Variants in NELL1 observed in about 807,000 individuals in gnomAD.
NELL1 encodes the protein protein kinase C-binding protein NELL1.
A neutral mutation model predicts 107.4 loss-of-function variants in NELL1; 76 were observed. The ratio of observed to expected loss-of-function variants is 0.71; its 90% CI spans 0.59 to 0.86. The LOEUF is 0.86. NELL1 is among the 40% of genes least tolerant of loss of function. The probability of loss-of-function intolerance (pLI) is 0.00; values close to 1 mark genes in which losing one functional copy is unlikely to be tolerated. For synonymous variants in NELL1, 353 were observed against 341.2 expected (o/e 1.03, Z -0.38); for missense variants, 1,024 against 1,005.5 (o/e 1.02, Z -0.25).
chr11:21,225,692 A>G lies in NELL1; in HGVS notation c.1427-3640A>G, dbSNP rs548369543. Among the ~76,000 whole-genome samples the G allele has an allele frequency of 2.6e-5, 4 of 152,248 alleles. No homozygotes were observed. The East Asian group carries it at 7.7e-4, about 29-fold the overall frequency. ...TCAATTCAGTTGTAACCACCATCCT[A>G]TGATTAAGTCTGCCCACAAGTAATT... On this transcript the variant is annotated intron_variant, in intron 13 of 19. Coordinates refer to ENST00000357134, the MANE Select transcript of NELL1 (RefSeq NM_006157.5).
In NELL1 at chr11:20,738,830, G is replaced by A. The variant is rs141615795; in HGVS notation, c.185-44850G>A. Among the ~76,000 whole-genome samples, 6 of 152,296 alleles carry A rather than the reference G, an allele frequency of 3.9e-5. No individual in the cohort carries two copies. In the East Asian group the frequency reaches 1.2e-3, roughly 29 times the overall value. On this transcript the variant is annotated intron_variant, in intron 2 of 19. Coordinates refer to ENST00000357134, the MANE Select transcript of NELL1 (RefSeq NM_006157.5). Reference sequence around the variant, plus strand: ...CCTATTTCTTTATTCCTCAGAGATGGCAGTGTACTTGGTCTTTAACCCCAG... The same window carrying A: ...CCTATTTCTTTATTCCTCAGAGATGACAGTGTACTTGGTCTTTAACCCCAG...
chr11:21,516,399 G>T (rs1855563173), intron 15 of NELL1, among the ~76,000 whole-genome samples: 1 of 152,124 alleles, frequency 6.6e-6, no homozygotes, highest in Non-Finnish European at 1.5e-5. Flanking sequence ...TCTTGTGTGT[G>T]TGTGTATGTG....
At chr11:21,470,113 C>T (rs1267304547) in intron 15 of NELL1, among the ~76,000 whole-genome samples, 1 of 151,934 alleles carries the variant, frequency 6.6e-6, no homozygotes. Flanking sequence ...TAATTCTTAC[C>T]ACTACCTTAC....
intron 10 of NELL1, among the ~76,000 whole-genome samples, chr11:20,946,575 T>C (rs1850966352): frequency 6.6e-6 from 1 of 152,170 alleles, no homozygotes; most frequent in Admixed American, 6.5e-5. Flanking sequence ...TGATCCTCTT[T>C]CAGTTCATTC....
At chr11:21,554,723 T>C (rs1339645067) in intron 16 of NELL1, among the ~76,000 whole-genome samples, 1 of 151,834 alleles carries the variant, frequency 6.6e-6, no homozygotes, top group Non-Finnish European at 1.5e-5. Context: ...TATATTTTTA[T>C]CTACATTTTT....
Position 21,370,954 on chromosome 11 carries a change from C to A in NELL1, c.1645+6C>A, listed in dbSNP as rs751501383. The stretch of plus-strand genomic sequence containing the variant: ...AGGAAGCCACTGCGAGAAAGGTAAT[C>A]TAGCTTGTTTTATGGGGGATAGGGA... On this transcript the variant is annotated splice_donor_region_variant and intron_variant, in intron 15 of 19. Coordinates refer to ENST00000357134, the MANE Select transcript of NELL1 (RefSeq NM_006157.5). 2 of 1,605,086 alleles carry A rather than the reference C, an allele frequency of 1.2e-6. No homozygotes were observed. The highest frequency in any genetic ancestry group is 1.7e-6 in the Non-Finnish European group (2 of 1,174,380).
intron 2 of NELL1, among the ~76,000 whole-genome samples, chr11:20,751,021 CTATGTG>C (rs1207799681): frequency 1.4e-5 from 2 of 143,004 alleles, no homozygotes; most frequent in African/African-American, 5.3e-5. Flanking sequence ...AATTATTTGT[CTATGTG>C]TGTGTGTGTG....
chr11:21,292,573 A>C (rs2133961871), intron 14 of NELL1, among the ~76,000 whole-genome samples: 1 of 152,196 alleles, frequency 6.6e-6, no homozygotes, highest in East Asian at 1.9e-4. Context: ...AGTTAGAAAA[A>C]AACAAATTTA....
chr11:21,405,208 TG>T, intron 15 of NELL1, among the ~76,000 whole-genome samples: 3 of 432 alleles, frequency 6.9e-3, no homozygotes, highest in African/African-American at 0.026. Context: ...GTTTTGTTGC[TG>T]CTCCTTGGCT....
chr11:20,937,531 C>G (rs1016269760), intron 9 of NELL1, among the ~76,000 whole-genome samples: 2 of 152,240 alleles, frequency 1.3e-5, no homozygotes, highest in Non-Finnish European at 2.9e-5. Context: ...TCTCTAGTTC[C>G]TTTGGCAACT....
At chr11:20,765,922 T>G (rs1856520249) in intron 2 of NELL1, among the ~76,000 whole-genome samples, 2 of 152,222 alleles carry the variant, frequency 1.3e-5, no homozygotes, top group Admixed American at 1.3e-4. Flanking sequence ...TCTCCAGAAC[T>G]TTTTTATTTT....
intron 13 of NELL1, among the ~76,000 whole-genome samples, chr11:21,215,959 T>C (rs969321546): frequency 1.3e-5 from 2 of 152,168 alleles, no homozygotes; most frequent in Non-Finnish European, 2.9e-5. Flanking sequence ...CTCCAGGGCA[T>C]GTCAGAGACT....
At chr11:20,898,977 T>TA (rs1849812552) in intron 5 of NELL1, among the ~76,000 whole-genome samples, 7 of 152,088 alleles carry the variant, frequency 4.6e-5, no homozygotes, top group Admixed American at 4.6e-4. Flanking sequence ...TATTCTTTAA[T>TA]AAAAATGTTT....
chr11:21,072,284 G>A (rs1854034254), intron 12 of NELL1, among the ~76,000 whole-genome samples: 1 of 152,216 alleles, frequency 6.6e-6, no homozygotes, highest in African/African-American at 2.4e-5. Flanking sequence ...TAGAATTGCT[G>A]AGTGCTTATA....
chr11:20,875,486 T>C (rs1849286788), intron 4 of NELL1, among the ~76,000 whole-genome samples: 1 of 152,194 alleles, frequency 6.6e-6, no homozygotes, highest in Non-Finnish European at 1.5e-5. Context: ...GGAGAATTGC[T>C]TGAACCCAAG....
intron 7 of NELL1, among the ~76,000 whole-genome samples, chr11:20,920,597 A>G (rs1332103387): frequency 6.6e-6 from 1 of 152,012 alleles, no homozygotes; most frequent in African/African-American, 2.4e-5. Flanking sequence ...CTTTTATTTC[A>G]TATTGTCTGG....
chr11:20,888,131 A>C (rs550562098), intron 5 of NELL1, among the ~76,000 whole-genome samples: 68 of 152,280 alleles, frequency 4.5e-4, no homozygotes, highest in Non-Finnish European at 7.6e-4. Flanking sequence ...AGAAACAAAA[A>C]CCAAAAACCT....
intron 7 of NELL1, among the ~76,000 whole-genome samples, chr11:20,926,795 C>T (rs941131974): frequency 2.6e-5 from 4 of 152,132 alleles, no homozygotes; most frequent in Non-Finnish European, 4.4e-5. Flanking sequence ...GATCCGCTTA[C>T]GACTTTTCTT....
intron 17 of NELL1, 44 bp from the exon 18 acceptor site, chr11:21,570,720 C>CA: frequency 6.3e-7 from 1 of 1,580,120 alleles, no homozygotes. Context: ...AGCTGTCCAT[C>CA]ATGTCCTAAA....
Sources: allele counts gnomAD v4.1 joint callset (sites outside exome capture counted in the v4.1 genomes callset), GRCh38; gene constraint gnomAD v4.1.1; transcripts MANE v1.5; gene names NCBI Gene and HGNC (gene_info 2026-07-23, HGNC 2026-07-21).